LIN28B: variants seen among roughly 807,000 people sequenced by gnomAD.
LIN28B encodes the protein lin-28 RNA binding posttranscriptional regulator B.
LIN28B carries 5 observed loss-of-function variants against 21.9 expected under a neutral mutation model. The ratio of observed to expected loss-of-function variants is 0.23; its 90% CI spans 0.12 to 0.48. The LOEUF (loss-of-function observed/expected upper bound fraction) is 0.48, where lower values mean the gene tolerates loss of function less well. Among genes scored for constraint, LIN28B ranks in the 20% least tolerant of loss-of-function variants. LIN28B has a pLI of 0.98. For synonymous variants in LIN28B, 109 were observed against 111.3 expected (o/e 0.98, Z 0.13); for missense variants, 245 against 310.5 (o/e 0.79, Z 1.58).
intron 3 of LIN28B, among the ~76,000 whole-genome samples, chr6:105,053,820 C>A (rs1293583863): frequency 6.6e-6 from 1 of 151,832 alleles, no homozygotes; most frequent in Admixed American, 6.6e-5. Context: ...GCAACCTCAG[C>A]CTCCCGGGTT....
At chr6:104,981,048 G>A (rs939347271) in intron 2 of LIN28B, among the ~76,000 whole-genome samples, 4 of 152,066 alleles carry the variant, frequency 2.6e-5, no homozygotes, top group African/African-American at 9.7e-5. Context: ...TTTTATTTTA[G>A]CTAGTAAAAA....
At chr6:105,058,094 C>T (rs62419624) in intron 3 of LIN28B, 28,399 of 406,288 alleles carry the variant, frequency 0.07, 1,104 homozygotes, top group Middle Eastern at 0.11. Flanking sequence ...CCTGGCTTGA[C>T]GGTGCATTTT....
chr6:104,958,338 T>A, intron 2 of LIN28B, 52 bp downstream of exon 2: 1 of 1,388,710 alleles, frequency 7.2e-7, no homozygotes, highest in Non-Finnish European at 9.9e-7. Flanking sequence ...GTGGAGGAGC[T>A]GATCGGTAGT....
intron 2 of LIN28B, among the ~76,000 whole-genome samples, chr6:105,023,858 A>G (rs1771229908): frequency 6.6e-6 from 1 of 150,442 alleles, no homozygotes; most frequent in Non-Finnish European, 1.5e-5. Context: ...AAATCATAAT[A>G]ATGGAAAATT....
chr6:104,974,085 A>T (rs984577512), intron 2 of LIN28B, among the ~76,000 whole-genome samples: 3 of 152,240 alleles, frequency 2.0e-5, no homozygotes, highest in Non-Finnish European at 2.9e-5. Flanking sequence ...GACTCATAAA[A>T]TAGGCTAATA....
intron 2 of LIN28B, among the ~76,000 whole-genome samples, chr6:105,000,609 G>C (rs17065429): frequency 0.029 from 4,355 of 151,814 alleles, 205 homozygotes; most frequent in African/African-American, 0.099. Flanking sequence ...CTGGATTTCT[G>C]TTGCACTAGT....
In LIN28B at chr6:105,071,261, T is replaced by C. The variant is rs548954022; in HGVS notation, c.384-7153T>C. On this transcript the variant is annotated intron_variant, in intron 3 of 3. Transcript: ENST00000345080. ...GAAACATAAATTCGATCATACCGTA[T>C]TTATGTATTATGCCGTGGTTTGCTT... Among the ~76,000 whole-genome samples, 16 of 152,312 alleles carry C rather than the reference T, an allele frequency of 1.1e-4. No homozygotes were observed. The South Asian group carries it at 3.1e-3, about 30-fold the overall frequency.
intron 3 of LIN28B, among the ~76,000 whole-genome samples, chr6:105,052,303 A>G (rs909524796): frequency 6.6e-6 from 1 of 152,164 alleles, no homozygotes; most frequent in Non-Finnish European, 1.5e-5. Context: ...ACTTTGTGCT[A>G]CTATGAAAGA....
chr6:105,027,856 G>A (rs1771319776), intron 3 of LIN28B, among the ~76,000 whole-genome samples: 1 of 152,086 alleles, frequency 6.6e-6, no homozygotes, highest in African/African-American at 2.4e-5. Flanking sequence ...TTGGTAACCA[G>A]TTATCTCTGT....
intron 3 of LIN28B, among the ~76,000 whole-genome samples, chr6:105,061,131 CTACTT>C (rs1238488204): frequency 1.3e-5 from 2 of 152,158 alleles, no homozygotes; most frequent in African/African-American, 4.8e-5. Context: ...CAAAGATAGT[CTACTT>C]TATCATTTCC....
intron 2 of LIN28B, among the ~76,000 whole-genome samples, chr6:105,003,247 C>T (rs995523043): frequency 6.6e-6 from 1 of 152,114 alleles, no homozygotes. Flanking sequence ...AAAAGTAGGC[C>T]TTAGAGGCCC....
In LIN28B at chr6:105,050,861, T is replaced by C. The variant is rs112856264; in HGVS notation, c.383+24379T>C. Among the ~76,000 whole-genome samples, 4 of 151,346 alleles carry C rather than the reference T, an allele frequency of 2.6e-5. No homozygotes were observed. The East Asian group carries it at 7.7e-4, about 29-fold the overall frequency. ...ATGTTGATTTTGGTACTTGGTTTTA[T>C]TAGGAAGTTCAAGACAAGATATAAA... On this transcript the variant is annotated intron_variant, in intron 3 of 3. Coordinates refer to ENST00000345080, the MANE Select transcript of LIN28B (RefSeq NM_001004317.4).
chr6:105,010,084 C>T (rs1273927658), intron 2 of LIN28B, among the ~76,000 whole-genome samples: 1 of 152,084 alleles, frequency 6.6e-6, no homozygotes, highest in South Asian at 2.1e-4. Flanking sequence ...CATGCACATG[C>T]CATTCTTACT....
At chr6:104,991,428 G>C (rs1296092969) in intron 2 of LIN28B, among the ~76,000 whole-genome samples, 1 of 151,456 alleles carries the variant, frequency 6.6e-6, no homozygotes, top group African/African-American at 2.4e-5. Flanking sequence ...CGGCGGGGCA[G>C]AGGTGATCCC....
intron 3 of LIN28B, among the ~76,000 whole-genome samples, chr6:105,038,368 C>G (rs1158996515): frequency 1.3e-5 from 2 of 152,102 alleles, no homozygotes; most frequent in Admixed American, 1.3e-4. Flanking sequence ...AAGAGGGAGT[C>G]TCTGGAGAGG....
chr6:105,011,046 C>G (rs1049070187), intron 2 of LIN28B, among the ~76,000 whole-genome samples: 2 of 152,166 alleles, frequency 1.3e-5, no homozygotes, highest in Admixed American at 6.5e-5. Context: ...TGCTGCATCT[C>G]TTGTGAGTGA....
chr6:105,016,486 G>A (rs1377940808), intron 2 of LIN28B, among the ~76,000 whole-genome samples: 1 of 152,146 alleles, frequency 6.6e-6, no homozygotes. Flanking sequence ...CATTATGATA[G>A]ACAAGGGCTT....
chr6:105,003,072 A>G (rs1770748812), intron 2 of LIN28B, among the ~76,000 whole-genome samples: 1 of 152,212 alleles, frequency 6.6e-6, no homozygotes, highest in Non-Finnish European at 1.5e-5. Flanking sequence ...AATAATTTTT[A>G]AAGTCCCTTT....
intron 2 of LIN28B, among the ~76,000 whole-genome samples, chr6:104,950,219 A>G (rs1778205188): frequency 6.6e-6 from 1 of 152,090 alleles, no homozygotes; most frequent in Non-Finnish European, 1.5e-5. Context: ...CTGCATCTTA[A>G]TGGTCTTAAA....
Sources: allele counts gnomAD v4.1 joint callset (sites outside exome capture counted in the v4.1 genomes callset), GRCh38; gene constraint gnomAD v4.1.1; transcripts MANE v1.5; gene names NCBI Gene and HGNC (gene_info 2026-07-23, HGNC 2026-07-21).